Variants in HMCN1 observed in about 807,000 individuals in gnomAD.
HMCN1 encodes the protein hemicentin 1.
Under a neutral mutation model 625.9 loss-of-function variants are expected in HMCN1, and 321 were observed. The ratio of observed to expected loss-of-function variants is 0.51; its 90% confidence interval spans 0.47 to 0.56. HMCN1 has a LOEUF of 0.56. Among genes scored for constraint, HMCN1 ranks in the 20% least tolerant of loss-of-function variants. HMCN1 has a pLI of 0.00. For synonymous variants in HMCN1, 2,425 were observed against 2,417.6 expected, an observed-to-expected ratio of 1.00 and a Z score of -0.09; for missense variants, 6,588 against 6,887.3, an observed-to-expected ratio of 0.96 and a Z score of 1.54.
chr1:185,969,274 G>A (rs544923778), intron 14 of HMCN1, among the ~76,000 whole-genome samples: 102 of 152,240 alleles, frequency 6.7e-4, no homozygotes, highest in African/African-American at 2.2e-3. Flanking sequence ...ATGTAGTAGC[G>A]AGTTTAAAAG....
Position 185,977,949 on chromosome 1 carries a change from G to A in HMCN1, c.2534G>A (p.Ser845Asn). 6.2e-7 allele frequency: 1 copy of A among 1,613,030 alleles called. No individual in the cohort carries two copies. Among genetic ancestry groups the A allele is most frequent in the South Asian group, 1.1e-5 (1 of 91,062 alleles). Residue 845 changes from serine to asparagine, a missense_variant, in exon 16 of 107, where the codon AGC becomes AAC. Coordinates refer to ENST00000271588, the MANE Select transcript of HMCN1 (RefSeq NM_031935.3). ...AGACCTTTTTCAGTTAGTTCCATCA[G>A]CCAACTAAGAACAGGAGCTCTCTTT... ...FSRPFSVSSI[S>N]QLRTGALFIL... is the part of the protein sequence containing the mutation.
chr1:186,063,741 A>G (rs1282812396), intron 48 of HMCN1, among the ~76,000 whole-genome samples: 1 of 152,124 alleles, frequency 6.6e-6, no homozygotes, highest in Non-Finnish European at 1.5e-5. Context: ...CAAGAACAAT[A>G]TTGTTACCTT....
chr1:186,026,857 A>G lies in HMCN1; in HGVS notation c.5749+3704A>G, dbSNP rs539523617. ...ACCATGTTGCCCAGGCTGGTCTTGA[A>G]CTCCTGGGCTCAAGACATCTGCCGA... On this transcript the variant is annotated intron_variant, in intron 36 of 106. Transcript: ENST00000271588. Among the ~76,000 whole-genome samples, 3 of 150,704 alleles carry G rather than the reference A, an allele frequency of 2.0e-5. No homozygotes were observed. In the South Asian group the frequency reaches 6.4e-4, roughly 32 times the overall value.
chr1:186,077,492 T>C (rs1658897407), intron 54 of HMCN1, among the ~76,000 whole-genome samples: 2 of 152,150 alleles, frequency 1.3e-5, no homozygotes, highest in South Asian at 4.1e-4. Flanking sequence ...AAGGGCACCA[T>C]GTCTCCAACT....
intron 15 of HMCN1, among the ~76,000 whole-genome samples, chr1:185,975,901 C>T (rs1651174871): frequency 6.6e-6 from 1 of 151,972 alleles, no homozygotes; most frequent in South Asian, 2.1e-4. Context: ...CACACACACA[C>T]ACACACGCAC....
Position 186,052,939 on chromosome 1 carries a change from T to C in HMCN1, c.6578-13T>C, listed in dbSNP as rs1657062697. 1.0e-5 allele frequency: 16 copies of C among 1,591,392 alleles called. No homozygotes were observed. The highest frequency in any genetic ancestry group is 1.2e-5 in the Non-Finnish European group (14 of 1,160,160). On this transcript the variant is annotated splice_polypyrimidine_tract_variant and intron_variant, in intron 42 of 106. Transcript: ENST00000271588. ...GAAATGAGTGGAAAAATCATATTTTTATTTTTTTCTAGTCCCCCCAAATAT... is the reference window on the plus strand; with the variant it reads ...GAAATGAGTGGAAAAATCATATTTTCATTTTTTTCTAGTCCCCCCAAATAT...
At chr1:185,894,500 G>T (rs1000814551) in intron 4 of HMCN1, among the ~76,000 whole-genome samples, 2 of 152,086 alleles carry the variant, frequency 1.3e-5, no homozygotes, top group Non-Finnish European at 2.9e-5. Flanking sequence ...AATTTTTCTT[G>T]GATCTGTATC....
Position 186,117,100 on chromosome 1 carries a change from G to T in HMCN1, c.11668G>T (p.Asp3890Tyr), listed in dbSNP as rs771147740. ...NGAGDDKRTV[D>Y]LTVQVPPSIA... ...TGCTGGAGATGATAAAAGAACTGTG[G>T]ATCTCACTGTCCAAGGTAGAATTGG... Residue 3890 changes from aspartate to tyrosine, a missense_variant, in exon 76 of 107, where the codon GAT becomes TAT. Coordinates refer to ENST00000271588, the MANE Select transcript of HMCN1 (RefSeq NM_031935.3). The T allele has an allele frequency of 6.2e-7, 1 of 1,613,234 alleles. No individual in the cohort carries two copies. Among genetic ancestry groups the T allele is most frequent in the Admixed American group, 1.7e-5 (1 of 59,984 alleles).
intron 64 of HMCN1, among the ~76,000 whole-genome samples, chr1:186,092,142 C>T (rs1659878137): frequency 6.6e-6 from 1 of 151,662 alleles, no homozygotes. Flanking sequence ...ATTCCTTCTC[C>T]TACATTAACA....
intron 49 of HMCN1, among the ~76,000 whole-genome samples, chr1:186,066,957 G>A (rs1388343945): frequency 6.6e-6 from 1 of 152,092 alleles, no homozygotes; most frequent in African/African-American, 2.4e-5. Flanking sequence ...TTTCTTGCAA[G>A]GTTCAAATTC....
intron 13 of HMCN1, among the ~76,000 whole-genome samples, chr1:185,964,738 A>AT (rs1558100369): frequency 6.6e-6 from 1 of 152,104 alleles, no homozygotes; most frequent in Admixed American, 6.6e-5. Context: ...AGACGGAGGA[A>AT]TTAGCAAAGA....
chr1:185,819,423 A>C (rs568308549), intron 1 of HMCN1, among the ~76,000 whole-genome samples: 5 of 152,286 alleles, frequency 3.3e-5, no homozygotes, highest in African/African-American at 1.2e-4. Flanking sequence ...TTTGAGAAAC[A>C]TACTTTTTCC....
At chr1:185,939,397 C>CA (rs1667975591) in intron 11 of HMCN1, among the ~76,000 whole-genome samples, 1 of 152,160 alleles carries the variant, frequency 6.6e-6, no homozygotes, top group African/African-American at 2.4e-5. Flanking sequence ...TCCCGCTATG[C>CA]AAACAAACAA....
intron 84 of HMCN1, 73 bp from the exon 85 acceptor site, chr1:186,130,434 A>G: frequency 1.4e-6 from 2 of 1,478,554 alleles, no homozygotes; most frequent in Non-Finnish European, 1.9e-6. Flanking sequence ...TTATTTTTCC[A>G]AATAGGTCAA....
intron 1 of HMCN1, among the ~76,000 whole-genome samples, chr1:185,802,286 G>A (rs1466782666): frequency 3.3e-5 from 5 of 152,098 alleles, no homozygotes; most frequent in African/African-American, 1.2e-4. Flanking sequence ...GAGGTGAAAT[G>A]ATAAATTTTT....
chr1:185,810,205 A>G (rs545863374), intron 1 of HMCN1, among the ~76,000 whole-genome samples: 47 of 152,228 alleles, frequency 3.1e-4, no homozygotes, highest in Non-Finnish European at 1.5e-5. Flanking sequence ...AGTCTCTTTC[A>G]TCTGTCATTT....
chr1:185,795,551 T>A (rs909000499), intron 1 of HMCN1, among the ~76,000 whole-genome samples: 1 of 152,202 alleles, frequency 6.6e-6, no homozygotes, highest in African/African-American at 2.4e-5. Context: ...CTTTACTACT[T>A]CTCATAGGAA....
chr1:185,895,002 T>C (rs1470826536), intron 4 of HMCN1, among the ~76,000 whole-genome samples: 1 of 150,622 alleles, frequency 6.6e-6, no homozygotes, highest in Non-Finnish European at 1.5e-5. Context: ...CAATTTGGCT[T>C]TCCTAACTTC....
chr1:185,872,811 C>T (rs541252833), intron 4 of HMCN1, among the ~76,000 whole-genome samples: 2 of 152,172 alleles, frequency 1.3e-5, no homozygotes, highest in African/African-American at 4.8e-5. Context: ...CTGTAATGTG[C>T]AGTGGGATCA....
Sources: gnomAD v4.1 joint callset for allele counts (sites outside exome capture counted in the v4.1 genomes callset) on GRCh38, gnomAD v4.1.1 for gene constraint, MANE v1.5 for transcripts, NCBI Gene and HGNC (gene_info 2026-07-23, HGNC 2026-07-21) for gene names.